STK3: variants seen among roughly 807,000 people sequenced by gnomAD.
STK3 encodes the protein serine/threonine kinase 3.
STK3 carries 41 observed loss-of-function variants against 58.0 expected under a neutral mutation model. The observed-to-expected ratio is 0.71, with a 90% CI of 0.55 to 0.92. STK3 has a LOEUF of 0.92. Among genes scored for constraint, STK3 ranks in the 40% least tolerant of loss-of-function variants. The pLI, the probability that STK3 is intolerant of heterozygous loss-of-function variation, is 0.00. For missense variants in STK3, 479 were observed against 602.7 expected (o/e 0.79, Z 2.15); for synonymous variants, 170 against 191.0 (o/e 0.89, Z 0.91).
At chr8:98,602,528 T>C (rs933971934) in intron 6 of STK3, among the ~76,000 whole-genome samples, 1 of 152,236 alleles carries the variant, frequency 6.6e-6, no homozygotes, top group African/African-American at 2.4e-5. Context: ...TAAGGTATTT[T>C]GTTATAGCAA....
intron 1 of STK3, among the ~76,000 whole-genome samples, chr8:98,889,133 C>T (rs1195161981): frequency 6.6e-6 from 1 of 152,200 alleles, no homozygotes; most frequent in African/African-American, 2.4e-5. Context: ...ACTGTCCTTA[C>T]CAGTTTTGTA....
intron 3 of STK3, chr8:98,427,909 C>G (rs1043395080): frequency 2.7e-5 from 36 of 1,337,604 alleles, no homozygotes; most frequent in Non-Finnish European, 3.4e-5. Flanking sequence ...GCACGGCGCT[C>G]TCGCCGACGC....
intron 3 of STK3, among the ~76,000 whole-genome samples, chr8:98,876,314 A>T (rs946292111): frequency 1.3e-5 from 2 of 152,210 alleles, no homozygotes; most frequent in African/African-American, 4.8e-5. Flanking sequence ...TGGGTCAAAG[A>T]CCAAGAGAGA....
chr8:98,473,419 T>G (rs917809851), intron 10 of STK3, among the ~76,000 whole-genome samples: 1 of 152,208 alleles, frequency 6.6e-6, no homozygotes, highest in African/African-American at 2.4e-5. Flanking sequence ...TAAACTTTTA[T>G]TGTTTTTTCT....
chr8:98,495,761 C>T (rs1237320482), intron 10 of STK3, among the ~76,000 whole-genome samples: 1 of 152,124 alleles, frequency 6.6e-6, no homozygotes, highest in Admixed American at 6.5e-5. Flanking sequence ...CATAATCAAA[C>T]ATCTGTATAT....
chr8:98,420,786 T>C (rs1365401897), intron 3 of STK3, among the ~76,000 whole-genome samples: 1 of 152,240 alleles, frequency 6.6e-6, no homozygotes, highest in East Asian at 1.9e-4. Context: ...GGCCGACGCA[T>C]CACAAGCACT....
chr8:98,821,713 T>C (rs1834915835), intron 1 of STK3, among the ~76,000 whole-genome samples: 1 of 151,554 alleles, frequency 6.6e-6, no homozygotes, highest in East Asian at 1.9e-4. Context: ...AAGACCTCAG[T>C]GACAAGTATG....
chr8:98,626,516 A>G (rs1308118070), intron 6 of STK3, among the ~76,000 whole-genome samples: 1 of 152,232 alleles, frequency 6.6e-6, no homozygotes, highest in Non-Finnish European at 1.5e-5. Context: ...TAACTTGTAA[A>G]GACTAAAATA....
At chr8:98,635,660 G>C (rs1312632987) in intron 6 of STK3, among the ~76,000 whole-genome samples, 1 of 152,050 alleles carries the variant, frequency 6.6e-6, no homozygotes, top group Admixed American at 6.6e-5. Flanking sequence ...TTACTGATCA[G>C]AAACTTGCTA....
intron 4 of STK3, among the ~76,000 whole-genome samples, chr8:98,717,750 G>C (rs1197877990): frequency 6.6e-6 from 1 of 152,150 alleles, no homozygotes; most frequent in Non-Finnish European, 1.5e-5. Flanking sequence ...GTACACCCAT[G>C]TTCATAGTAG....
chr8:98,662,785 A>T lies in STK3; in HGVS notation c.684+43682T>A, dbSNP rs557112872. 4.6e-5 allele frequency among the ~76,000 whole-genome samples: 7 copies of T among 151,946 alleles called. No individual in the cohort carries two copies. In the East Asian group the frequency reaches 1.4e-3, roughly 29 times the overall value. ...GTTGTGCTGCACCCATTAACTCGTC[A>T]TTTAACATTAGGTATATCTCCTAAT... On this transcript the variant is annotated intron_variant, in intron 6 of 10. Transcript: ENST00000419617.
chr8:98,573,281 T>C (rs1325172040), intron 8 of STK3, among the ~76,000 whole-genome samples: 1 of 152,174 alleles, frequency 6.6e-6, no homozygotes, highest in Non-Finnish European at 1.5e-5. Flanking sequence ...GGGTAATTTA[T>C]AAAGAAAAGA....
intron 10 of STK3, chr8:98,526,516 A>T (rs1395485230): frequency 3.3e-6 from 1 of 307,246 alleles, no homozygotes; most frequent in East Asian, 5.4e-5. Flanking sequence ...TTGAGCTATG[A>T]TTTATTTAAC....
At chr8:98,758,797 C>T (rs953593007) in intron 3 of STK3, among the ~76,000 whole-genome samples, 1 of 152,238 alleles carries the variant, frequency 6.6e-6, no homozygotes, top group Non-Finnish European at 1.5e-5. Context: ...GGATAACTTG[C>T]TGCAGCTTCT....
At chr8:98,878,467 C>T (rs1454605093) in intron 3 of STK3, among the ~76,000 whole-genome samples, 2 of 152,250 alleles carry the variant, frequency 1.3e-5, no homozygotes, top group Admixed American at 6.5e-5. Context: ...ACCACCCTGA[C>T]TCATTCTGAT....
chr8:98,890,425 C>T (rs543870632), intron 1 of STK3, among the ~76,000 whole-genome samples: 3 of 152,186 alleles, frequency 2.0e-5, no homozygotes, highest in Non-Finnish European at 4.4e-5. Flanking sequence ...CTGGAGGACA[C>T]ATTAATGAAT....
At chr8:98,618,027 C>A (rs990206564) in intron 6 of STK3, among the ~76,000 whole-genome samples, 5 of 151,884 alleles carry the variant, frequency 3.3e-5, no homozygotes, top group Non-Finnish European at 7.3e-5. Flanking sequence ...GAATTTTAGA[C>A]CAATATCCTT....
chr8:98,572,446 G>A (rs374746944), intron 8 of STK3, among the ~76,000 whole-genome samples: 18 of 152,250 alleles, frequency 1.2e-4, no homozygotes, highest in African/African-American at 4.3e-4. Flanking sequence ...CAAGAGATGT[G>A]TAGTCTATGA....
At chr8:98,757,186 A>G (rs1830339819) in intron 3 of STK3, among the ~76,000 whole-genome samples, 1 of 150,324 alleles carries the variant, frequency 6.7e-6, no homozygotes, top group African/African-American at 2.4e-5. Context: ...AATAAAGCAT[A>G]CTTTTTTTTT....
Sources: allele counts gnomAD v4.1 joint callset (sites outside exome capture counted in the v4.1 genomes callset), GRCh38; gene constraint gnomAD v4.1.1; transcripts MANE v1.5; gene names NCBI Gene and HGNC (gene_info 2026-07-23, HGNC 2026-07-21).